SLA: variants seen among roughly 807,000 people sequenced by gnomAD.
The protein encoded by SLA is Src like adaptor.
Under a neutral mutation model 30.3 loss-of-function variants are expected in SLA, and 16 were observed. The observed-to-expected ratio is 0.53, with a 90% CI of 0.36 to 0.80. The LOEUF is 0.80. Among genes scored for constraint, SLA ranks in the 30% least tolerant of loss-of-function variants. The pLI, the probability that SLA is intolerant of heterozygous loss-of-function variation, is 0.01. For synonymous variants in SLA, 143 were observed against 137.8 expected, an observed-to-expected ratio of 1.04 and a Z score of -0.26; for missense variants, 310 against 345.2, an observed-to-expected ratio of 0.90 and a Z score of 0.81.
rs1313644800 is a variant in SLA, at chr8:133,036,731, C to T, written c.*1793G>A. 2 of 152,532 alleles carry T rather than the reference C, an allele frequency of 1.3e-5. No homozygotes were observed. The highest frequency in any genetic ancestry group is 4.8e-5 in the African/African-American group (2 of 41,394). The allele number at this position is 152,532 out of a possible 1,614,324, so 9.4% of individuals were successfully genotyped here. ...CAACCCAGAAACTCTCCCTGTGTGC[C>T]AAGGGTTAAATATTTATTAGGTTTG... On this transcript the variant is annotated 3_prime_UTR_variant, in exon 9 of 9. Transcript: ENST00000338087.
At chr8:133,051,173 G>A (rs1840343805) in intron 3 of SLA, among the ~76,000 whole-genome samples, 1 of 152,210 alleles carries the variant, frequency 6.6e-6, no homozygotes, top group Non-Finnish European at 1.5e-5. Context: ...TGAGAAATGG[G>A]ATCCAAAGGC....
intron 1 of SLA, among the ~76,000 whole-genome samples, chr8:133,097,970 AG>A (rs530528952): frequency 2.0e-5 from 3 of 152,178 alleles, no homozygotes; most frequent in East Asian, 1.9e-4. Flanking sequence ...GTGTGTTGCA[AG>A]GGGGGGTGTC....
intron 1 of SLA, among the ~76,000 whole-genome samples, chr8:133,076,312 C>T (rs1844854408): frequency 6.6e-6 from 1 of 152,218 alleles, no homozygotes. Flanking sequence ...GAGGCTGACA[C>T]AGCCACCCTG....
chr8:133,074,821 C>A, intron 2 of SLA, 32 bp downstream of exon 2: 3 of 983,718 alleles, frequency 3.0e-6, no homozygotes, highest in Non-Finnish European at 3.6e-6. Flanking sequence ...AGTCTCTCCC[C>A]ACCCCATCTC....
Position 133,050,800 on chromosome 8 carries a change from T to C in SLA, c.161+16A>G, listed in dbSNP as rs758462361. On this transcript the variant is annotated intron_variant, in intron 4 of 8. Transcript: ENST00000338087. ...CCTGCTTTGAAGATTGCACAAGTTT[T>C]GGAGAGCTGACTCACTCAGAAATCA... 6.6e-7 allele frequency: 1 copy of C among 1,525,790 alleles called. No individual in the cohort carries two copies. The highest frequency in any genetic ancestry group is 1.7e-5 in the Admixed American group (1 of 59,838). 94.5% of individuals were successfully genotyped at this position (1,525,790 alleles called of 1,614,324 possible).
At chr8:133,064,556 G>A (rs1442824354) in intron 2 of SLA, among the ~76,000 whole-genome samples, 1 of 152,246 alleles carries the variant, frequency 6.6e-6, no homozygotes, top group African/African-American at 2.4e-5. Context: ...TTTTTGTTCA[G>A]GACCATGCTG....
chr8:133,047,767 C>A, intron 6 of SLA, 63 bp downstream of exon 6: 2 of 921,896 alleles, frequency 2.2e-6, no homozygotes, highest in South Asian at 2.6e-5. Flanking sequence ...TGTAATGAGT[C>A]AGCCAGGAGC....
At chr8:133,039,860 C>T in intron 8 of SLA, 138 bp downstream of exon 8, 1 of 1,430,574 alleles carries the variant, frequency 7.0e-7, no homozygotes, top group South Asian at 1.4e-5. Flanking sequence ...GCTCACCCCC[C>T]AGTTTCAGCA....
rs540024735 is a variant in SLA at position 133,038,476 on chromosome 8, T to C, written c.*48A>G. 40 of 1,429,540 alleles carry C rather than the reference T, an allele frequency of 2.8e-5. 1 individual carries two copies. The Middle Eastern group carries it at 5.2e-4, about 19-fold the overall frequency. The allele number at this position is 1,429,540 out of a possible 1,614,324, so 88.6% of individuals were successfully genotyped here. ...CTTTTCGCAAGATCCCAGGCAATAG[T>C]TGGAACTTCTGTTCCTTTTGGGCAT... On this transcript the variant is annotated 3_prime_UTR_variant, in exon 9 of 9. Coordinates refer to ENST00000338087, the MANE Select transcript of SLA (RefSeq NM_001045556.3).
chr8:133,060,609 C>A (rs1210618211), intron 2 of SLA, among the ~76,000 whole-genome samples: 1 of 152,192 alleles, frequency 6.6e-6, no homozygotes, highest in African/African-American at 2.4e-5. Context: ...AGTTGTGTGT[C>A]TGTACAACCA....
chr8:133,064,719 T>A (rs1473501489), intron 2 of SLA, among the ~76,000 whole-genome samples: 1 of 152,224 alleles, frequency 6.6e-6, no homozygotes, highest in Non-Finnish European at 1.5e-5. Flanking sequence ...GGTTTCTGTT[T>A]CGCAGATCTG....
chr8:133,038,470 C>G lies in SLA; in HGVS notation c.*54G>C, dbSNP rs573117867. 1 of 1,390,918 alleles carries G rather than the reference C, an allele frequency of 7.2e-7. No homozygotes were observed. Among genetic ancestry groups the G allele is most frequent in the African/African-American group, 1.4e-5 (1 of 70,350 alleles). The allele number at this position is 1,390,918 out of a possible 1,614,324, so 86.2% of individuals were successfully genotyped here. On this transcript the variant is annotated 3_prime_UTR_variant, in exon 9 of 9. Coordinates refer to ENST00000338087, the MANE Select transcript of SLA (RefSeq NM_001045556.3). ...ACCTCGCTTTTCGCAAGATCCCAGGCAATAGTTGGAACTTCTGTTCCTTTT... is the reference window on the plus strand; with the variant it reads ...ACCTCGCTTTTCGCAAGATCCCAGGGAATAGTTGGAACTTCTGTTCCTTTT...
intron 1 of SLA, among the ~76,000 whole-genome samples, chr8:133,081,827 T>A (rs1588031478): frequency 6.6e-6 from 1 of 152,248 alleles, no homozygotes; most frequent in South Asian, 2.1e-4. Flanking sequence ...GCAATGTTGC[T>A]TGCTTTGCTC....
At chr8:133,042,550 G>T (rs1838457196) in intron 7 of SLA, among the ~76,000 whole-genome samples, 1 of 151,688 alleles carries the variant, frequency 6.6e-6, no homozygotes, top group Non-Finnish European at 1.5e-5. Context: ...TCCCCATGTT[G>T]TAAGTAAAAA....
At chr8:133,069,563 G>A (rs897830245) in intron 2 of SLA, among the ~76,000 whole-genome samples, 1 of 152,170 alleles carries the variant, frequency 6.6e-6, no homozygotes, top group Non-Finnish European at 1.5e-5. Context: ...GTCACAATTC[G>A]ACGGTCATTT....
chr8:133,096,100 A>G (rs1588083985), intron 1 of SLA: 2 of 1,407,718 alleles, frequency 1.4e-6, no homozygotes, highest in Non-Finnish European at 1.0e-6. Flanking sequence ...CAGTAGAGTC[A>G]TAGATGGATA....
chr8:133,088,518 G>A (rs894086380), intron 1 of SLA, among the ~76,000 whole-genome samples: 2 of 152,140 alleles, frequency 1.3e-5, no homozygotes, highest in African/African-American at 2.4e-5. Context: ...GTAAAATAGG[G>A]ATTCTAATAT....
intron 5 of SLA, 63 bp from the exon 6 acceptor site, chr8:133,047,996 T>A: frequency 1.0e-6 from 1 of 962,384 alleles, no homozygotes; most frequent in South Asian, 1.4e-5. Flanking sequence ...AAGGCAGGAA[T>A]GCGCCACCCA....
chr8:133,050,129 T>A lies in SLA; in HGVS notation c.162-141A>T, dbSNP rs1430248028. ...ATCTGTCACTGGCCACGTTAACCCA[T>A]ATTTCGTCATCTGAAAATTTTCTTT... is the stretch of plus-strand genomic sequence containing the variant. On this transcript the variant is annotated intron_variant, in intron 4 of 8. Coordinates refer to ENST00000338087, the MANE Select transcript of SLA (RefSeq NM_001045556.3). 1.0e-5 allele frequency: 7 copies of A among 679,238 alleles called. No individual in the cohort carries two copies. In the African/African-American group the frequency reaches 1.3e-4, roughly 12 times the overall value. 42.1% of individuals were successfully genotyped at this position (679,238 alleles called of 1,614,324 possible). A position where few individuals can be genotyped will look rare whatever the true frequency, so the allele number is the denominator to read the frequency against.
Sources: gnomAD v4.1 joint callset for allele counts (sites outside exome capture counted in the v4.1 genomes callset) on GRCh38, gnomAD v4.1.1 for gene constraint, MANE v1.5 for transcripts, NCBI Gene and HGNC (gene_info 2026-07-23, HGNC 2026-07-21) for gene names.